Variants in NAP1L4 observed in about 807,000 individuals in gnomAD.
NAP1L4 encodes the protein nucleosome assembly protein 1-like 4.
A neutral mutation model predicts 58.2 loss-of-function variants in NAP1L4; 15 were observed. The observed-to-expected ratio is 0.26, with a 90% confidence interval of 0.17 to 0.40. The LOEUF (loss-of-function observed/expected upper bound fraction) is 0.40. NAP1L4 is among the 10% of genes least tolerant of loss of function. NAP1L4 has a pLI of 1.00. For synonymous variants in NAP1L4, 171 were observed against 155.6 expected, an observed-to-expected ratio of 1.10 and a Z score of -0.74; for missense variants, 384 against 451.1, an observed-to-expected ratio of 0.85 and a Z score of 1.35.
At position 2,959,748 on chromosome 11, in the gene NAP1L4, A is replaced by C; in HGVS notation, c.746+22T>G. ...CTTTTGATTTTGTTTCAGAAAAACA[A>C]GGTAGAATGACATTTTCTTACCCGT... On this transcript the variant is annotated intron_variant, in intron 9 of 15. Coordinates refer to ENST00000380542, the MANE Select transcript of NAP1L4 (RefSeq NM_005969.4). The surrounding 1 kb of genome is among the most constrained non-coding windows in gnomAD (Gnocchi z 4.9). The C allele has an allele frequency of 6.2e-7, 1 of 1,607,510 alleles. No homozygotes were observed. The highest frequency in any genetic ancestry group is 8.5e-7 in the Non-Finnish European group (1 of 1,177,750).
intron 1 of NAP1L4, among the ~76,000 whole-genome samples, chr11:2,988,945 G>A (rs895070550): frequency 1.5e-4 from 23 of 152,108 alleles, no homozygotes; most frequent in Admixed American, 1.2e-3. Context: ...AAGAGGGCAG[G>A]GTGGAAAACC....
chr11:2,947,540 G>A (rs529554817), intron 15 of NAP1L4, among the ~76,000 whole-genome samples: 1 of 152,252 alleles, frequency 6.6e-6, no homozygotes, highest in East Asian at 1.9e-4. Flanking sequence ...TGGAGCTTCT[G>A]CAAGTGACTG....
chr11:2,991,069 C>G (rs751575867), intron 1 of NAP1L4: 7 of 456,166 alleles, frequency 1.5e-5, no homozygotes, highest in Admixed American at 1.4e-4. Context: ...AAAGCACAGA[C>G]GAATGTGCCC....
At position 2,954,112 on chromosome 11, in the gene NAP1L4, T is replaced by G. The variant is rs1357548871; in HGVS notation, c.1035+415A>C. On this transcript the variant is annotated intron_variant, in intron 12 of 15. Coordinates refer to ENST00000380542, the MANE Select transcript of NAP1L4 (RefSeq NM_005969.4). The surrounding 1 kb of genome is among the most constrained non-coding windows in gnomAD (Gnocchi z 4.8). ...CCTTTTTACCTAATTAGATAGAAGT[T>G]CAGGAATTTCTATTTCTTTTGGGTT... is the stretch of plus-strand genomic sequence containing the variant. Among the ~76,000 whole-genome samples the G allele has an allele frequency of 1.3e-5, 2 of 152,198 alleles. No homozygotes were observed. The highest frequency in any genetic ancestry group is 2.4e-5 in the African/African-American group (1 of 41,450).
At chr11:2,976,524 T>A in intron 3 of NAP1L4, among the ~76,000 whole-genome samples, 1 of 152,166 alleles carries the variant, frequency 6.6e-6, no homozygotes, top group East Asian at 1.9e-4. Context: ...TAAAAGAGCA[T>A]CCACTAGCTC....
Position 2,954,818 on chromosome 11 carries a change from T to C in NAP1L4, c.916-172A>G, listed in dbSNP as rs75079587. ...CACTCAAAGCCCCTTTAAAACAACT[T>C]TAAGTAGCTTTAAAGAGCTACTGAA... On this transcript the variant is annotated intron_variant, in intron 11 of 15. Transcript: ENST00000380542. The surrounding 1 kb of genome is among the most constrained non-coding windows in gnomAD (Gnocchi z 4.8). 1.0e-5 allele frequency: 8 copies of C among 780,256 alleles called. No homozygotes were observed. In the South Asian group the frequency reaches 1.2e-4, roughly 12 times the overall value. 48.3% of individuals were successfully genotyped at this position (780,256 alleles called of 1,614,324 possible).
intron 1 of NAP1L4, among the ~76,000 whole-genome samples, chr11:2,982,623 C>G (rs915735966): frequency 5.3e-5 from 8 of 152,192 alleles, no homozygotes; most frequent in African/African-American, 1.9e-4. Flanking sequence ...GAAAGTCACA[C>G]GGCTAGTAAA....
At chr11:2,987,080 C>A (rs924632282) in intron 1 of NAP1L4, among the ~76,000 whole-genome samples, 1 of 152,054 alleles carries the variant, frequency 6.6e-6, no homozygotes, top group Non-Finnish European at 1.5e-5. Flanking sequence ...TCAGAAAGGA[C>A]AAAGAAATGA....
At chr11:2,973,242 T>C (rs1166814521) in intron 4 of NAP1L4, among the ~76,000 whole-genome samples, 2 of 152,230 alleles carry the variant, frequency 1.3e-5, no homozygotes, top group Admixed American at 6.5e-5. Context: ...TTCAATTCTG[T>C]TCTATGTTTT....
At chr11:2,953,646 T>G (rs761434674) in intron 12 of NAP1L4, among the ~76,000 whole-genome samples, 1 of 152,222 alleles carries the variant, frequency 6.6e-6, no homozygotes, top group Non-Finnish European at 1.5e-5. Flanking sequence ...ATGAACAGTC[T>G]AAGACCTAAC....
intron 7 of NAP1L4, among the ~76,000 whole-genome samples, chr11:2,966,893 G>GACATTAAA (rs1847313971): frequency 1.3e-5 from 2 of 152,128 alleles, no homozygotes; most frequent in Admixed American, 1.3e-4. Context: ...GTACCCTGTG[G>GACATTAAA]GTCAAAACTT....
In NAP1L4 at chr11:2,955,810, C is replaced by T. The variant is rs1386992975; in HGVS notation, c.893-44G>A. 1 of 1,587,390 alleles carries T rather than the reference C, an allele frequency of 6.3e-7. No individual in the cohort carries two copies. Reference sequence around the variant, plus strand: ...AAACATATTTAAATTACAGTGACAACTCCCAGAATTTTAAAGCCCACACAG... The same window carrying T: ...AAACATATTTAAATTACAGTGACAATTCCCAGAATTTTAAAGCCCACACAG... On this transcript the variant is annotated intron_variant, in intron 10 of 15. Transcript: ENST00000380542. The surrounding 1 kb of genome is among the most constrained non-coding windows in gnomAD (Gnocchi z 4.2).
At chr11:2,974,679 T>C (rs1022611060) in intron 4 of NAP1L4, among the ~76,000 whole-genome samples, 5 of 152,168 alleles carry the variant, frequency 3.3e-5, no homozygotes, top group Non-Finnish European at 4.4e-5. Context: ...GCAGATCACC[T>C]GAGGTCAGGA....
intron 4 of NAP1L4, among the ~76,000 whole-genome samples, chr11:2,972,839 T>G (rs1847727378): frequency 6.6e-6 from 1 of 152,122 alleles, no homozygotes; most frequent in Non-Finnish European, 1.5e-5. Flanking sequence ...GGCATGATGG[T>G]GTGCGCCTGT....
At chr11:2,992,064 C>T (rs1849010942) in intron 1 of NAP1L4, 190 bp downstream of exon 1, 1 of 152,088 alleles carries the variant, frequency 6.6e-6, no homozygotes, top group African/African-American at 2.4e-5. Context: ...AGGCCCCAAG[C>T]CCCAGGCCCC....
chr11:2,982,342 A>AC lies in NAP1L4; in HGVS notation c.-17-3106dup, dbSNP rs946456436. Among the ~76,000 whole-genome samples the AC allele has an allele frequency of 1.2e-3, 184 of 152,290 alleles. 1 individual carries two copies. The highest frequency in any genetic ancestry group is 4.1e-3 in the African/African-American group (169 of 41,558). On this transcript the variant is annotated intron_variant, in intron 1 of 15. Transcript: ENST00000380542. ...AAATGTATCTCATAGCACCTTCCTT[A>AC]CCCCACACATACACACTAATTGCTG...
rs749589433 is a variant in NAP1L4, at chr11:2,954,563, C to A, written c.999G>T (p.Leu333=). The A allele has an allele frequency of 1.9e-6, 3 of 1,614,198 alleles. No individual in the cohort carries two copies. Among genetic ancestry groups the A allele is most frequent in the Middle Eastern group, 3.3e-4 (2 of 6,062 alleles). ...CTTCTATGGCCTCCCCAGTGAAGTA[C>A]AGCACAGCCCGCGGGACTATCCGCT... ...FRERIVPRAV[L]YFTGEAIEDD... is the part of the protein sequence containing the mutation. The change falls in exon 12 of 16, where the codon CTG becomes CTT. Residue 333 remains leucine, a synonymous_variant. Transcript: ENST00000380542. This position sits in a 1 kb window ranked among gnomAD's most constrained non-coding sequence, Gnocchi z 4.8.
intron 1 of NAP1L4, among the ~76,000 whole-genome samples, chr11:2,980,244 G>C (rs989100735): frequency 2.6e-5 from 4 of 152,200 alleles, no homozygotes; most frequent in Middle Eastern, 3.2e-3. Flanking sequence ...CTGCAGTGTA[G>C]TGATGCAATC....
intron 3 of NAP1L4, 66 bp downstream of exon 3, chr11:2,978,214 TAATA>T: frequency 6.9e-7 from 1 of 1,447,488 alleles, no homozygotes. Flanking sequence ...TTACTTGCAT[TAATA>T]AATGTTTCCA....
Sources: allele counts gnomAD v4.1 joint callset (sites outside exome capture counted in the v4.1 genomes callset), GRCh38; gene constraint gnomAD v4.1.1; non-coding constraint Gnocchi (gnomAD v3.1); transcripts MANE v1.5; gene names NCBI Gene and HGNC (gene_info 2026-07-23, HGNC 2026-07-21).